Variants in ASCC3 observed in about 807,000 individuals in gnomAD.
ASCC3 encodes the protein activating signal cointegrator 1 complex subunit 3.
A neutral mutation model predicts 256.3 loss-of-function variants in ASCC3; 158 were observed. The ratio of observed to expected loss-of-function variants is 0.62; its 90% CI spans 0.54 to 0.70. The LOEUF is 0.70. Ranked by LOEUF, ASCC3 falls within the 30% of genes least tolerant of loss-of-function variation. The pLI, the probability that ASCC3 is intolerant of heterozygous loss-of-function variation, is 0.00. For missense variants in ASCC3, 2,259 were observed against 2,626.0 expected, an observed-to-expected ratio of 0.86 and a Z score of 3.05; for synonymous variants, 948 against 883.4, an observed-to-expected ratio of 1.07 and a Z score of -1.30.
At chr6:100,656,715 T>C (rs560478122) in intron 16 of ASCC3, among the ~76,000 whole-genome samples, 31 of 151,442 alleles carry the variant, frequency 2.0e-4, no homozygotes, top group Non-Finnish European at 4.0e-4. Flanking sequence ...AGAATTTCAA[T>C]GAAAAGTTTC....
chr6:100,805,065 G>A (rs574055521), intron 5 of ASCC3, among the ~76,000 whole-genome samples: 111 of 152,144 alleles, frequency 7.3e-4, no homozygotes, highest in East Asian at 5.4e-3. Context: ...GGAACACTAC[G>A]TAGCCATAAA....
chr6:100,587,809 G>A (rs996534986), intron 36 of ASCC3, among the ~76,000 whole-genome samples: 1 of 152,184 alleles, frequency 6.6e-6, no homozygotes, highest in African/African-American at 2.4e-5. Context: ...GCTGCTGACA[G>A]GATGGGAACA....
intron 1 of ASCC3, among the ~76,000 whole-genome samples, chr6:100,868,499 A>G (rs1773583247): frequency 6.6e-6 from 1 of 152,228 alleles, no homozygotes; most frequent in Admixed American, 6.5e-5. Flanking sequence ...CCTAAGATGC[A>G]GCCTTTCCTG....
At chr6:100,663,225 G>A (rs965054245) in intron 14 of ASCC3, among the ~76,000 whole-genome samples, 3 of 152,072 alleles carry the variant, frequency 2.0e-5, no homozygotes, top group Non-Finnish European at 4.4e-5. Context: ...TGTGCATTGA[G>A]TATAGAGGAG....
rs1317691915 is a variant in ASCC3 at position 100,643,949 on chromosome 6, T to C, written c.3732+82A>G. The C allele has an allele frequency of 2.3e-5, 21 of 922,656 alleles. No homozygotes were observed. In the East Asian group the frequency reaches 5.5e-4, roughly 24 times the overall value. 57.2% of individuals were successfully genotyped at this position (922,656 alleles called of 1,614,324 possible). On this transcript the variant is annotated intron_variant, in intron 23 of 41. Transcript: ENST00000369162. ...TAAAGTTTTAATTGTACTATAAAAT[T>C]ACAGAGAAATAAAAGCAGAAACTGT...
At chr6:100,596,285 G>T (rs904623696) in intron 34 of ASCC3, among the ~76,000 whole-genome samples, 10 of 152,068 alleles carry the variant, frequency 6.6e-5, no homozygotes, top group African/African-American at 2.2e-4. Flanking sequence ...ATTAGTGTTT[G>T]TAAGTAATGA....
At chr6:100,584,994 C>T (rs376962860) in intron 36 of ASCC3, among the ~76,000 whole-genome samples, 4 of 152,062 alleles carry the variant, frequency 2.6e-5, no homozygotes, top group Non-Finnish European at 5.9e-5. Context: ...CCGACCTTTC[C>T]CTCTGGCTGC....
At chr6:100,805,587 T>C (rs1231870550) in intron 5 of ASCC3, among the ~76,000 whole-genome samples, 173 bp downstream of exon 5, 2 of 152,112 alleles carry the variant, frequency 1.3e-5, no homozygotes, top group East Asian at 3.8e-4. Flanking sequence ...CCCTCCTATT[T>C]AGATCACTTA....
intron 37 of ASCC3, among the ~76,000 whole-genome samples, chr6:100,532,736 A>T (rs947509921): frequency 6.6e-6 from 1 of 152,104 alleles, no homozygotes. Flanking sequence ...TTTCATTTAC[A>T]TGATTTTGAA....
intron 34 of ASCC3, among the ~76,000 whole-genome samples, chr6:100,598,484 C>CTT (rs11448655): frequency 8.2e-4 from 125 of 152,026 alleles, no homozygotes; most frequent in Non-Finnish European, 1.3e-3. Flanking sequence ...TAATAAACCT[C>CTT]TTAAGATTTC....
intron 36 of ASCC3, among the ~76,000 whole-genome samples, chr6:100,567,765 A>G (rs761658830): frequency 4.6e-5 from 7 of 152,146 alleles, no homozygotes; most frequent in Non-Finnish European, 8.8e-5. Context: ...TCCATGGTGT[A>G]TATGTACCAC....
chr6:100,829,656 TGA>T (rs1171418087), intron 4 of ASCC3, among the ~76,000 whole-genome samples: 2 of 152,182 alleles, frequency 1.3e-5, no homozygotes, highest in Non-Finnish European at 1.5e-5. Context: ...AGCAGCGGGC[TGA>T]AGGGCTCCTC....
intron 36 of ASCC3, among the ~76,000 whole-genome samples, chr6:100,571,109 C>A (rs1770571021): frequency 6.6e-6 from 1 of 152,278 alleles, no homozygotes; most frequent in African/African-American, 2.4e-5. Context: ...TACTATGGCC[C>A]TAGATGATGT....
intron 8 of ASCC3, 69 bp downstream of exon 8, chr6:100,798,644 C>G: frequency 6.2e-7 from 1 of 1,601,972 alleles, no homozygotes; most frequent in Non-Finnish European, 8.5e-7. Context: ...AACAATTTTT[C>G]CAGTATAAAT....
chr6:100,512,752 A>G lies in ASCC3; in HGVS notation c.6242T>C (p.Val2081Ala). The G allele has an allele frequency of 6.2e-7, 1 of 1,614,148 alleles. No individual in the cohort carries two copies. Residue 2081 changes from valine (V) to alanine (A), a missense_variant, in exon 40 of 42, where the codon GTG (valine) becomes GCG (alanine). This residue lies in a region of ASCC3 where 1,839 missense variants were observed against 2,206.7 expected (regional missense o/e 0.83). Coordinates refer to ENST00000369162, the MANE Select transcript of ASCC3 (RefSeq NM_006828.4). ...GACTCTCTGCAAGCTCACTTGAAGC[A>G]CATACTCTTGGTCAGCATGCAATTT... is the stretch of plus-strand genomic sequence containing the variant. ...WIKLHADQEYVLQVSLQRVHF... is the reference protein window; with the variant it reads ...WIKLHADQEYALQVSLQRVHF...
At chr6:100,741,397 C>A (rs973759221) in intron 10 of ASCC3, among the ~76,000 whole-genome samples, 1 of 152,102 alleles carries the variant, frequency 6.6e-6, no homozygotes, top group African/African-American at 2.4e-5. Context: ...TAGTAGGGTT[C>A]TCTGCATTTC....
At chr6:100,849,721 A>C (rs889695723) in intron 3 of ASCC3, among the ~76,000 whole-genome samples, 4 of 152,180 alleles carry the variant, frequency 2.6e-5, no homozygotes, top group Non-Finnish European at 5.9e-5. Flanking sequence ...GAAGAAAAGA[A>C]GAATTTAAAT....
At chr6:100,686,320 T>C (rs1209261630) in intron 13 of ASCC3, among the ~76,000 whole-genome samples, 1 of 152,152 alleles carries the variant, frequency 6.6e-6, no homozygotes, top group Non-Finnish European at 1.5e-5. Context: ...ATTTACATAG[T>C]TCAAAATTAG....
rs76029807 is a variant in ASCC3 at position 100,682,912 on chromosome 6, G to A, written c.2152-3160C>T. Among the ~76,000 whole-genome samples, 3 of 152,178 alleles carry A rather than the reference G, an allele frequency of 2.0e-5. No homozygotes were observed. The East Asian group carries it at 5.8e-4, about 29-fold the overall frequency. On this transcript the variant is annotated intron_variant, in intron 13 of 41. Coordinates refer to ENST00000369162, the MANE Select transcript of ASCC3 (RefSeq NM_006828.4). ...GCTGCTTGTTAAAATAGATTTCTGG[G>A]TCCTCCCTTAAAGCCAGCTGAGTAA...
Sources: allele counts gnomAD v4.1 joint callset (sites outside exome capture counted in the v4.1 genomes callset), GRCh38; gene constraint gnomAD v4.1.1; regional missense constraint gnomAD v4.1.1; transcripts MANE v1.5; gene names NCBI Gene and HGNC (gene_info 2026-07-23, HGNC 2026-07-21).